Variants in ZNF148 observed in about 807,000 individuals in gnomAD.
ZNF148 encodes Beta-Enolase Repressor Factor-1.
A neutral mutation model predicts 67.7 loss-of-function variants in ZNF148; 7 were observed. The observed-to-expected ratio is 0.10, with a 90% CI of 0.06 to 0.19. The LOEUF (loss-of-function observed/expected upper bound fraction) is 0.19, where lower values mean the gene tolerates loss of function less well. Ranked by LOEUF, ZNF148 falls within the 10% of genes least tolerant of loss-of-function variation. The pLI, the probability that ZNF148 is intolerant of heterozygous loss-of-function variation, is 1.00. For synonymous variants in ZNF148, 333 were observed against 330.7 expected (o/e 1.01, Z -0.08); for missense variants, 583 against 947.1 (o/e 0.62, Z 5.05).
chr3:125,352,569 CTA>C (rs1942191086), intron 1 of ZNF148, among the ~76,000 whole-genome samples: 1 of 149,654 alleles, frequency 6.7e-6, no homozygotes, highest in African/African-American at 2.5e-5. Flanking sequence ...TTAAGGAAAA[CTA>C]TATGATGGCT....
At chr3:125,321,012 TGAA>T (rs1940746475) in intron 3 of ZNF148, among the ~76,000 whole-genome samples, 1 of 152,220 alleles carries the variant, frequency 6.6e-6, no homozygotes, top group African/African-American at 2.4e-5. Context: ...TTTGTTATTC[TGAA>T]GAAGTTTTGT....
At chr3:125,283,870 ATC>A (rs1293827180) in intron 5 of ZNF148, among the ~76,000 whole-genome samples, 1 of 152,140 alleles carries the variant, frequency 6.6e-6, no homozygotes, top group Non-Finnish European at 1.5e-5. Flanking sequence ...CTATTATATA[ATC>A]TATCTGATGT....
chr3:125,334,790 C>T (rs563319930), intron 1 of ZNF148, among the ~76,000 whole-genome samples: 54 of 152,210 alleles, frequency 3.5e-4, no homozygotes, highest in African/African-American at 9.9e-4. Flanking sequence ...CACCCATCAA[C>T]GACCACCTCC....
Position 125,232,866 on chromosome 3 carries a change from A to C in ZNF148, c.1860T>G (p.Asp620Glu). Residue 620 changes from aspartate to glutamate, a missense_variant, in exon 9 of 9, where the codon GAT becomes GAG. Asp to Glu is a conservative substitution (Grantham distance 45). Around this residue, in one of 5 missense-constraint regions of ZNF148, gnomAD observed 158 missense variants for 208.4 expected, o/e 0.76. Transcript: ENST00000360647. This position sits in a 1 kb window ranked among gnomAD's most constrained non-coding sequence, Gnocchi z 4.2. ...TAAGGCTCGGGCTATTCAAATAGGCATCATTTTGGCTAGTTCTGTCCAAAG... is the reference window on the plus strand; with the variant it reads ...TAAGGCTCGGGCTATTCAAATAGGCCTCATTTTGGCTAGTTCTGTCCAAAG... ...QQALDRTSQN[D>E]AYLNSPSLNF... 1 of 1,613,852 alleles carries C rather than the reference A, an allele frequency of 6.2e-7. No homozygotes were observed.
intron 3 of ZNF148, among the ~76,000 whole-genome samples, chr3:125,321,697 C>T (rs1488278171): frequency 1.3e-5 from 2 of 152,064 alleles, no homozygotes; most frequent in South Asian, 2.1e-4. Context: ...AAAAAGTTCA[C>T]GCAAAGCAGA....
At chr3:125,281,077 T>C (rs897217732) in intron 5 of ZNF148, among the ~76,000 whole-genome samples, 3 of 152,230 alleles carry the variant, frequency 2.0e-5, no homozygotes, top group African/African-American at 7.2e-5. Flanking sequence ...GCCTATACTA[T>C]ATGCAGATCA....
At chr3:125,250,869 CGTCT>C (rs1936812185) in intron 7 of ZNF148, among the ~76,000 whole-genome samples, 2 of 312 alleles carry the variant, frequency 6.4e-3, no homozygotes, top group Non-Finnish European at 0.014. Flanking sequence ...AAATTGTCTG[CGTCT>C]GCTTTCTATT....
intron 1 of ZNF148, among the ~76,000 whole-genome samples, chr3:125,357,990 T>C (rs758119522): frequency 6.6e-6 from 1 of 152,218 alleles, no homozygotes; most frequent in Non-Finnish European, 1.5e-5. Context: ...ATCTTTCCAT[T>C]TTACTTTTCT....
At chr3:125,266,346 C>A (rs1444274462) in intron 7 of ZNF148, among the ~76,000 whole-genome samples, 2 of 151,802 alleles carry the variant, frequency 1.3e-5, no homozygotes, top group African/African-American at 4.8e-5. Flanking sequence ...TCAATAAATT[C>A]AAAAAAATGG....
At chr3:125,301,881 T>C (rs1050379878) in intron 4 of ZNF148, among the ~76,000 whole-genome samples, 2 of 151,878 alleles carry the variant, frequency 1.3e-5, no homozygotes, top group Non-Finnish European at 2.9e-5. Flanking sequence ...CTGGCCAACA[T>C]GGTGAAACAC....
intron 1 of ZNF148, chr3:125,356,891 G>T (rs1302976340): frequency 6.6e-6 from 1 of 152,172 alleles, no homozygotes; most frequent in African/African-American, 2.4e-5. Context: ...GACAAGCAGG[G>T]TTTTTTAATA....
chr3:125,308,560 T>C (rs1940022356), intron 4 of ZNF148, among the ~76,000 whole-genome samples: 1 of 149,108 alleles, frequency 6.7e-6, no homozygotes, highest in Admixed American at 6.7e-5. Flanking sequence ...AAAAGGTGGA[T>C]TCCATACTTT....
intron 3 of ZNF148, among the ~76,000 whole-genome samples, chr3:125,317,713 A>ATAT (rs1348817640): frequency 1.5e-5 from 2 of 134,582 alleles, no homozygotes; most frequent in Non-Finnish European, 3.1e-5. Flanking sequence ...ATATATATAT[A>ATAT]TTTTTTTTTT....
At position 125,336,677 on chromosome 3, in the gene ZNF148, C is replaced by CTTTTTTTTTTTTT. The variant is rs71148176; in HGVS notation, c.-233-5452_-233-5440dup. ...TCAAACCAACCACCCCAGAAATCAC[C>CTTTTTTTTTTTTT]TTTTTTTTTTTTTTTTTTGAGATGT... On this transcript the variant is annotated intron_variant, in intron 1 of 8. Transcript: ENST00000360647. 1.4e-4 allele frequency among the ~76,000 whole-genome samples: 13 copies of CTTTTTTTTTTTTT among 95,334 alleles called. 1 individual carries two copies. Among genetic ancestry groups the CTTTTTTTTTTTTT allele is most frequent in the African/African-American group, 3.1e-4 (7 of 22,476 alleles). 62.5% of individuals were successfully genotyped at this position (95,334 alleles called of 152,430 possible). A position where few individuals can be genotyped will look rare whatever the true frequency, so the allele number is the denominator to read the frequency against.
In ZNF148 at chr3:125,233,537, T is replaced by C; in HGVS notation, c.1189A>G (p.Ser397Gly). ...PPKLVLKKIN[S>G]KRSLKQPLEQ... ...AGTGGCTGTTTCAGACTTCTCTTAC[T>C]ATTAATTTTTTTGAGAACTAACTTA... The change falls in exon 9 of 9, where the codon AGT (serine) becomes GGT (glycine). Residue 397 changes from serine (S) to glycine (G), a missense_variant. This residue lies in a region of ZNF148 where 172 missense variants were observed against 307.7 expected (regional missense o/e 0.56). Coordinates refer to ENST00000360647, the MANE Select transcript of ZNF148 (RefSeq NM_021964.3). The surrounding 1 kb of genome is among the most constrained non-coding windows in gnomAD (Gnocchi z 5.1). 6.2e-7 allele frequency: 1 copy of C among 1,613,946 alleles called. No homozygotes were observed. Among genetic ancestry groups the C allele is most frequent in the Non-Finnish European group, 8.5e-7 (1 of 1,179,954 alleles).
At position 125,259,523 on chromosome 3, in the gene ZNF148, T is replaced by C. The variant is rs545933791; in HGVS notation, c.667+18203A>G. On this transcript the variant is annotated intron_variant, in intron 7 of 8. Coordinates refer to ENST00000360647, the MANE Select transcript of ZNF148 (RefSeq NM_021964.3). ...CCAGACAACCACAATAAAGCTAACA[T>C]CACAATAAAGCAAGTCACACAAATT... Among the ~76,000 whole-genome samples the C allele has an allele frequency of 2.4e-3, 360 of 152,258 alleles. 3 individuals are homozygous for C. The highest frequency in any genetic ancestry group is 8.4e-3 in the African/African-American group (349 of 41,570).
chr3:125,255,714 T>C (rs1023943343), intron 7 of ZNF148, among the ~76,000 whole-genome samples: 2 of 152,172 alleles, frequency 1.3e-5, no homozygotes, highest in African/African-American at 4.8e-5. Context: ...AGGGAACTAG[T>C]CATAAAGGGA....
intron 7 of ZNF148, among the ~76,000 whole-genome samples, chr3:125,234,699 A>G (rs1369508623): frequency 2.0e-5 from 3 of 152,232 alleles, no homozygotes; most frequent in African/African-American, 7.2e-5. Context: ...TGCACAATAC[A>G]ACACAATTCC....
chr3:125,270,753 T>C (rs1937689225), intron 7 of ZNF148, among the ~76,000 whole-genome samples: 1 of 152,128 alleles, frequency 6.6e-6, no homozygotes, highest in Admixed American at 6.5e-5. Context: ...TGCACACCTG[T>C]AGTCCCAGAA....
Sources: gnomAD v4.1 joint callset for allele counts (sites outside exome capture counted in the v4.1 genomes callset) on GRCh38, gnomAD v4.1.1 for gene constraint, gnomAD v4.1.1 regional missense constraint, Gnocchi (gnomAD v3.1) non-coding constraint, MANE v1.5 for transcripts, NCBI Gene and HGNC (gene_info 2026-07-23, HGNC 2026-07-21) for gene names.